The following KCTD17 variants were observed in gnomAD, a reference collection of about 807,000 sequenced individuals.
The protein encoded by KCTD17 is potassium channel tetramerization domain containing 17, also known as BTB/POZ domain-containing protein KCTD17.
A neutral mutation model predicts 41.5 loss-of-function variants in KCTD17; 20 were observed. That is an observed-to-expected ratio of 0.48 (90% CI 0.34 to 0.70). The LOEUF is 0.70. Among genes scored for constraint, KCTD17 ranks in the 30% least tolerant of loss-of-function variants. KCTD17 has a pLI of 0.01. For missense variants in KCTD17, 317 were observed against 427.2 expected (o/e 0.74, Z 2.27); for synonymous variants, 156 against 173.8 (o/e 0.90, Z 0.80).
At chr22:37,054,727 C>G (rs1018906847) in intron 2 of KCTD17, among the ~76,000 whole-genome samples, 1 of 152,114 alleles carries the variant, frequency 6.6e-6, no homozygotes, top group Non-Finnish European at 1.5e-5. Context: ...AGTTCCTGGC[C>G]GGAGGATGTG....
Position 37,062,543 on chromosome 22 carries a change from A to C in KCTD17, c.894A>C (p.Ala298=). ...TTTCTAGCTGTTACAAGCCAGAGGC[A>C]CCCGGATGTGAGGCCCCAGATCACC... is the stretch of plus-strand genomic sequence containing the variant. The part of the protein sequence containing the change: ...SCHPCCYKPE[A]PGCEAPDHLQ... Residue 298 remains alanine (A), a synonymous_variant, in exon 9 of 9, where the codon GCA becomes GCC. Transcript: ENST00000403888. The C allele has an allele frequency of 1.9e-6, 3 of 1,610,906 alleles. No individual in the cohort carries two copies. The highest frequency in any genetic ancestry group is 1.7e-6 in the Non-Finnish European group (2 of 1,179,256).
rs757897190 is a variant in KCTD17 at position 37,051,980 on chromosome 22, CG to C, written c.189+33del. 2.5e-5 allele frequency: 35 copies of C among 1,396,024 alleles called. No homozygotes were observed. The South Asian group carries it at 4.9e-4, about 20-fold the overall frequency. The allele number at this position is 1,396,024 out of a possible 1,614,324, so 86.5% of individuals were successfully genotyped here. On this transcript the variant is annotated intron_variant, in intron 1 of 8. Transcript: ENST00000403888. ...GCCCCCGGGGTGGGCGGCGAGCGGG[CG>C]GTGGGTCCTCCGCTCGCCCGACGCG...
intron 2 of KCTD17, 57 bp from the exon 3 acceptor site, chr22:37,056,260 AGAG>A (rs1925097957): frequency 3.4e-6 from 5 of 1,460,486 alleles, no homozygotes; most frequent in Non-Finnish European, 4.7e-6. Context: ...GGAGGGAACA[AGAG>A]GAGAATGGGG....
Position 37,061,147 on chromosome 22 carries a change from A to G in KCTD17, c.756A>G (p.Pro252=), listed in dbSNP as rs1488990611. 1 of 1,550,978 alleles carries G rather than the reference A, an allele frequency of 6.4e-7. No individual in the cohort carries two copies. The highest frequency in any genetic ancestry group is 1.2e-5 in the South Asian group (1 of 84,044). ...QDPANLFSLP[P]LPPPPLPAGG... ...CCGCTAACCTTTTCTCCCTCCCACC[A>G]CTGCCTCCTCCTCCGCTTCCCGCTG... The change falls in exon 7 of 9, where the codon CCA becomes CCG. Residue 252 remains proline, a synonymous_variant. Coordinates refer to ENST00000403888, the MANE Select transcript of KCTD17 (RefSeq NM_001282684.2). This position sits in a 1 kb window ranked among gnomAD's most constrained non-coding sequence, Gnocchi z 6.6.
intron 4 of KCTD17, among the ~76,000 whole-genome samples, chr22:37,058,554 C>CT (rs2145982553): frequency 6.6e-6 from 1 of 152,194 alleles, no homozygotes; most frequent in Non-Finnish European, 1.5e-5. Flanking sequence ...ACTTGGGATC[C>CT]CCGATGCCAT....
chr22:37,055,011 G>T (rs1439882314), intron 2 of KCTD17: 1 of 152,230 alleles, frequency 6.6e-6, no homozygotes, highest in African/African-American at 2.4e-5. Flanking sequence ...ACTGTGGCAG[G>T]TTCTGGTGAG....
Position 37,056,357 on chromosome 22 carries a change from G to T in KCTD17, c.336G>T (p.Pro112=). 1 of 1,613,614 alleles carries T rather than the reference G, an allele frequency of 6.2e-7. No individual in the cohort carries two copies. The highest frequency in any genetic ancestry group is 1.1e-5 in the South Asian group (1 of 90,956). Residue 112 remains proline (P), a synonymous_variant, in exon 3 of 9, where the codon CCG becomes CCT. Coordinates refer to ENST00000403888, the MANE Select transcript of KCTD17 (RefSeq NM_001282684.2). ...LEEAEFYNIG[P]LIRIIKDRME... ...AAGCCGAGTTCTACAACATCGGCCC[G>T]CTGATCCGCATCATCAAAGACCGGA...
At position 37,063,094 on chromosome 22, in the gene KCTD17, A is replaced by AT. The variant is rs1925980603; in HGVS notation, c.*502dup. 6.5e-6 allele frequency: 1 copy of AT among 154,748 alleles called. No individual in the cohort carries two copies. Among genetic ancestry groups the AT allele is most frequent in the African/African-American group, 2.4e-5 (1 of 41,508 alleles). The allele number at this position is 154,748 out of a possible 1,614,324, so 9.6% of individuals were successfully genotyped here. ...TGTGTTTGCAAATGGAGATTCAGGT[A>AT]TTGGGGATGCAGGTTGTGGGGAGCT... On this transcript the variant is annotated 3_prime_UTR_variant, in exon 9 of 9. Transcript: ENST00000403888. The surrounding 1 kb of genome is among the most constrained non-coding windows in gnomAD (Gnocchi z 4.6).
In KCTD17 at chr22:37,061,111, A is replaced by G. The variant is rs1925723614; in HGVS notation, c.720A>G (p.Ser240=). 6.4e-7 allele frequency: 1 copy of G among 1,551,310 alleles called. No individual in the cohort carries two copies. Among genetic ancestry groups the G allele is most frequent in the Non-Finnish European group, 8.7e-7 (1 of 1,146,918 alleles). ...CTCACTTTCTCTTTGCAGCCCAGTC[A>G]TCTCAGGATCCCGCTAACCTTTTCT... The part of the protein sequence containing the change: ...VEADAQEKAQ[S]SQDPANLFSL... The change falls in exon 7 of 9, where the codon TCA becomes TCG. Residue 240 remains serine, a synonymous_variant. Transcript: ENST00000403888. This position sits in a 1 kb window ranked among gnomAD's most constrained non-coding sequence, Gnocchi z 6.6.
intron 3 of KCTD17, 86 bp from the exon 4 acceptor site, chr22:37,057,312 G>A (rs1012717581): frequency 3.1e-5 from 30 of 970,946 alleles, no homozygotes; most frequent in South Asian, 6.6e-5. Context: ...GGTATGTTGC[G>A]GGGGTGGTGG....
Position 37,062,259 on chromosome 22 carries a change from G to A in KCTD17, c.876-266G>A, listed in dbSNP as rs1021508683. 54 of 984,846 alleles carry A rather than the reference G, an allele frequency of 5.5e-5. 1 individual carries two copies. The highest frequency in any genetic ancestry group is 1.9e-4 in the South Asian group (4 of 21,264). The allele number at this position is 984,846 out of a possible 1,614,324, so 61.0% of individuals were successfully genotyped here. ...CTGGCCTCTGTAGGTGGCCGCCACC[G>A]AGCCCAAGACGGGGCATGGGGCTCC... On this transcript the variant is annotated intron_variant, in intron 8 of 8. Coordinates refer to ENST00000403888, the MANE Select transcript of KCTD17 (RefSeq NM_001282684.2).
chr22:37,060,283 C>T (rs994721243), intron 5 of KCTD17, among the ~76,000 whole-genome samples: 3 of 152,204 alleles, frequency 2.0e-5, no homozygotes, highest in South Asian at 2.1e-4. Flanking sequence ...CCTGCTGTGA[C>T]GCACCCTGCC....
intron 3 of KCTD17, among the ~76,000 whole-genome samples, chr22:37,056,819 G>T (rs1285822756): frequency 6.6e-6 from 1 of 152,174 alleles, no homozygotes; most frequent in Non-Finnish European, 1.5e-5. Context: ...GGCATCAGAT[G>T]GTCGCCTGGT....
Position 37,061,353 on chromosome 22 carries a change from C to T in KCTD17, c.784+178C>T, listed in dbSNP as rs1925759412. The T allele has an allele frequency of 6.8e-6, 10 of 1,479,610 alleles. No individual in the cohort carries two copies. Among genetic ancestry groups the T allele is most frequent in the East Asian group, 4.9e-5 (2 of 40,426 alleles). 91.7% of individuals were successfully genotyped at this position (1,479,610 alleles called of 1,614,324 possible). On this transcript the variant is annotated intron_variant, in intron 7 of 8. Coordinates refer to ENST00000403888, the MANE Select transcript of KCTD17 (RefSeq NM_001282684.2). This position sits in a 1 kb window ranked among gnomAD's most constrained non-coding sequence, Gnocchi z 6.6. ...GGCCCCCTGGCCCTGCATCCCAGAGCGTCCTGCCTGCCGCCTCCTGCGCCC... is the reference window on the plus strand; with the variant it reads ...GGCCCCCTGGCCCTGCATCCCAGAGTGTCCTGCCTGCCGCCTCCTGCGCCC...
chr22:37,058,692 T>A lies in KCTD17; in HGVS notation c.487-621T>A, dbSNP rs570032076. 8.5e-5 allele frequency among the ~76,000 whole-genome samples: 13 copies of A among 152,296 alleles called. No individual in the cohort carries two copies. The East Asian group carries it at 2.1e-3, about 25-fold the overall frequency. On this transcript the variant is annotated intron_variant, in intron 4 of 8. Transcript: ENST00000403888. The stretch of plus-strand genomic sequence containing the variant: ...TTATTTCTTAGCCAGAAGGGCTCTG[T>A]GGGCGTGGTTATTCTAGGGACCCTG...
chr22:37,060,844 GAGC>G lies in KCTD17; in HGVS notation c.646_648del (p.Gln216del), dbSNP rs766347046. Reference sequence around the variant, plus strand: ...ACAGAGCACGGAGGAGCAGCTGGAGGAGCAGCAGCAGCAGGAGGAGGAGGTGGA... The same window carrying G: ...ACAGAGCACGGAGGAGCAGCTGGAGGAGCAGCAGCAGGAGGAGGAGGTGGA... On this transcript the variant is annotated inframe_deletion, in exon 6 of 9. Coordinates refer to ENST00000403888, the MANE Select transcript of KCTD17 (RefSeq NM_001282684.2). 3.1e-5 allele frequency: 47 copies of G among 1,520,824 alleles called. No homozygotes were observed. Among genetic ancestry groups the G allele is most frequent in the Admixed American group, 1.1e-4 (5 of 47,392 alleles). 94.2% of individuals were successfully genotyped at this position (1,520,824 alleles called of 1,614,324 possible). A position where few individuals can be genotyped will look rare whatever the true frequency, so the allele number is the denominator to read the frequency against.
rs1196466673 is a variant in KCTD17, at chr22:37,053,042, G to A, written c.190-58G>A. 35 of 1,345,058 alleles carry A rather than the reference G, an allele frequency of 2.6e-5. No individual in the cohort carries two copies. The highest frequency in any genetic ancestry group is 1.8e-4 in the Middle Eastern group (1 of 5,618). The allele number at this position is 1,345,058 out of a possible 1,614,324, so 83.3% of individuals were successfully genotyped here. A position where few individuals can be genotyped will look rare whatever the true frequency, so the allele number is the denominator to read the frequency against. ...TCTCCTTCCCTCCCTGTGCGTGTGC[G>A]GGGTTGGCTGGGGAGAAGCCTCACT... is the stretch of plus-strand genomic sequence containing the variant. On this transcript the variant is annotated intron_variant, in intron 1 of 8. Coordinates refer to ENST00000403888, the MANE Select transcript of KCTD17 (RefSeq NM_001282684.2). The surrounding 1 kb of genome is among the most constrained non-coding windows in gnomAD (Gnocchi z 4.1).
intron 8 of KCTD17, chr22:37,062,205 T>C: frequency 1.0e-6 from 1 of 985,112 alleles, no homozygotes; most frequent in Non-Finnish European, 1.2e-6. Flanking sequence ...GCAACCCCCA[T>C]CCCACCCCCT....
Position 37,053,015 on chromosome 22 carries a change from A to G in KCTD17, c.190-85A>G. The G allele has an allele frequency of 9.0e-7, 1 of 1,109,580 alleles. No individual in the cohort carries two copies. The highest frequency in any genetic ancestry group is 1.3e-6 in the Non-Finnish European group (1 of 754,620). The allele number at this position is 1,109,580 out of a possible 1,614,324, so 68.7% of individuals were successfully genotyped here. ...CCATCCAGGGAAGAGCTCTCCCTCC[A>G]CTCTCCTTCCCTCCCTGTGCGTGTG... On this transcript the variant is annotated intron_variant, in intron 1 of 8. Coordinates refer to ENST00000403888, the MANE Select transcript of KCTD17 (RefSeq NM_001282684.2). This position sits in a 1 kb window ranked among gnomAD's most constrained non-coding sequence, Gnocchi z 4.1.
Sources: gnomAD v4.1 joint callset for allele counts (sites outside exome capture counted in the v4.1 genomes callset) on GRCh38, gnomAD v4.1.1 for gene constraint, Gnocchi (gnomAD v3.1) non-coding constraint, MANE v1.5 for transcripts, NCBI Gene and HGNC (gene_info 2026-07-23, HGNC 2026-07-21) for gene names.